The following ARHGEF4 variants were observed in gnomAD, a reference collection of about 807,000 sequenced individuals.
ARHGEF4 encodes APC-stimulated guanine nucleotide exchange factor 1.
In ARHGEF4, 119 loss-of-function variants were observed where a neutral mutation model predicts 162.0. The observed-to-expected ratio is 0.73, with a 90% CI of 0.63 to 0.86. The LOEUF (loss-of-function observed/expected upper bound fraction) is 0.86, where lower values mean the gene tolerates loss of function less well. Ranked by LOEUF, ARHGEF4 falls within the 40% of genes least tolerant of loss-of-function variation. The pLI, the probability that ARHGEF4 is intolerant of heterozygous loss-of-function variation, is 0.00. For missense variants in ARHGEF4, 2,488 were observed against 2,456.0 expected (o/e 1.01, Z -0.28); for synonymous variants, 1,014 against 979.9 (o/e 1.03, Z -0.65).
At chr2:130,949,869 G>A (rs538156767) in intron 4 of ARHGEF4, among the ~76,000 whole-genome samples, 3 of 152,244 alleles carry the variant, frequency 2.0e-5, no homozygotes, top group South Asian at 2.1e-4. Context: ...GGCTGGTCTC[G>A]AACTCCTGAC....
At chr2:130,917,555 G>A (rs1681579948) in intron 2 of ARHGEF4, 57 bp downstream of exon 2, 3 of 1,480,698 alleles carry the variant, frequency 2.0e-6, no homozygotes, top group African/African-American at 1.4e-5. Context: ...GAGAAGGAGG[G>A]GAGCAGGCGG....
At chr2:130,993,983 T>G (rs1687221432) in intron 4 of ARHGEF4, among the ~76,000 whole-genome samples, 1 of 152,208 alleles carries the variant, frequency 6.6e-6, no homozygotes, top group South Asian at 2.1e-4. Flanking sequence ...TTTCACCATG[T>G]TGGCCAGGCT....
rs556727675 is a variant in ARHGEF4, at chr2:131,028,076, A to G, written c.4117A>G (p.Ile1373Val). 3.1e-6 allele frequency: 5 copies of G among 1,613,878 alleles called. No homozygotes were observed. The African/African-American group carries it at 4.0e-5, about 13-fold the overall frequency. Reference sequence around the variant, plus strand: ...TGGAGGGGGTGGGGAGCAGCTGGCTATCAATGAGGTAGGGTCAGGGCTGCA... The same window carrying G: ...TGGAGGGGGTGGGGAGCAGCTGGCTGTCAATGAGGTAGGGTCAGGGCTGCA... ...HPGGGGEQLAINELISDGSVV... is the reference protein window; with the variant it reads ...HPGGGGEQLAVNELISDGSVV... Residue 1373 changes from isoleucine to valine, a missense_variant, in exon 5 of 14, where the codon ATC becomes GTC. This residue lies in a region of ARHGEF4 where 1,642 missense variants were observed against 1,481.5 expected (regional missense o/e 1.11). Coordinates refer to ENST00000409359, the MANE Select transcript of ARHGEF4 (RefSeq NM_001367493.1).
At chr2:130,874,659 A>G (rs1678708410) in intron 1 of ARHGEF4, among the ~76,000 whole-genome samples, 1 of 152,056 alleles carries the variant, frequency 6.6e-6, no homozygotes, top group African/African-American at 2.4e-5. Flanking sequence ...TGTTCCCCCC[A>G]CTGGTAGCAT....
At chr2:130,848,132 C>T (rs971293633) in intron 1 of ARHGEF4, among the ~76,000 whole-genome samples, 31 of 152,296 alleles carry the variant, frequency 2.0e-4, no homozygotes, top group Admixed American at 3.3e-4. Flanking sequence ...TGGGAGCAGG[C>T]CATCTGCACA....
chr2:130,965,830 C>T lies in ARHGEF4; in HGVS notation c.3985+19195C>T, dbSNP rs13398349. ...CACAGAGGCAGCCTGGATAATTTTC[C>T]GAGATAACAGCGATGCTTGCATGAA... On this transcript the variant is annotated intron_variant, in intron 4 of 13. Coordinates refer to ENST00000409359, the MANE Select transcript of ARHGEF4 (RefSeq NM_001367493.1). Among the ~76,000 whole-genome samples the T allele has an allele frequency of 6.1e-3, 921 of 152,180 alleles. 8 individuals are homozygous for T. Among genetic ancestry groups the T allele is most frequent in the African/African-American group, 0.021 (888 of 41,492 alleles).
chr2:131,016,384 A>G (rs1300525070), intron 4 of ARHGEF4, among the ~76,000 whole-genome samples: 1 of 152,242 alleles, frequency 6.6e-6, no homozygotes, highest in Non-Finnish European at 1.5e-5. Context: ...TTCAGAAAGC[A>G]GTGAACCAAT....
intron 4 of ARHGEF4, among the ~76,000 whole-genome samples, chr2:130,977,764 G>C (rs1685854136): frequency 6.6e-6 from 1 of 152,042 alleles, no homozygotes; most frequent in South Asian, 2.1e-4. Flanking sequence ...TGTGTGAGTT[G>C]TGCATGCATG....
At chr2:130,842,295 A>T (rs1262249115) in intron 1 of ARHGEF4, among the ~76,000 whole-genome samples, 1 of 152,100 alleles carries the variant, frequency 6.6e-6, no homozygotes, top group Non-Finnish European at 1.5e-5. Flanking sequence ...CCCAAACCAT[A>T]CCCTGACTGT....
intron 5 of ARHGEF4, among the ~76,000 whole-genome samples, chr2:131,031,365 AT>A (rs972866317): frequency 2.6e-5 from 4 of 152,226 alleles, no homozygotes; most frequent in African/African-American, 9.6e-5. Flanking sequence ...ATGAGGAGTG[AT>A]TTTTATGCTT....
rs1325461827 is a variant in ARHGEF4, at chr2:130,860,611, G to A, written c.39+23619G>A. ...TGTAGTCCCAGCTACTCGGGAGGCC[G>A]AGGCAGAAGAATGGTGTGAACCCGG... On this transcript the variant is annotated intron_variant, in intron 1 of 13. Coordinates refer to ENST00000409359, the MANE Select transcript of ARHGEF4 (RefSeq NM_001367493.1). Among the ~76,000 whole-genome samples the A allele has an allele frequency of 1.7e-5, 2 of 118,108 alleles. 1 individual carries two copies. Among genetic ancestry groups the A allele is most frequent in the Non-Finnish European group, 3.2e-5 (2 of 62,128 alleles). 77.5% of individuals were successfully genotyped at this position (118,108 alleles called of 152,430 possible).
chr2:130,893,419 A>G (rs566122831), intron 1 of ARHGEF4, among the ~76,000 whole-genome samples: 1 of 152,262 alleles, frequency 6.6e-6, no homozygotes, highest in East Asian at 1.9e-4. Flanking sequence ...CCCATGAACA[A>G]TGTTTGAATG....
intron 1 of ARHGEF4, among the ~76,000 whole-genome samples, chr2:130,846,679 G>A (rs1236886896): frequency 6.6e-6 from 1 of 152,200 alleles, no homozygotes; most frequent in Non-Finnish European, 1.5e-5. Context: ...TCTAGGGTCA[G>A]GGGTCTTTCT....
intron 4 of ARHGEF4, among the ~76,000 whole-genome samples, chr2:130,993,670 C>G (rs925033277): frequency 1.1e-4 from 16 of 151,894 alleles, no homozygotes; most frequent in African/African-American, 3.9e-4. Flanking sequence ...TTTTCTTTTT[C>G]TCTGGTAATG....
At chr2:130,889,766 C>G (rs1471465492) in intron 1 of ARHGEF4, among the ~76,000 whole-genome samples, 1 of 145,186 alleles carries the variant, frequency 6.9e-6, no homozygotes, top group Non-Finnish European at 1.5e-5. Context: ...GAGCCAAGAT[C>G]GAGCCACTGC....
At chr2:130,933,397 T>A (rs903870813) in intron 3 of ARHGEF4, among the ~76,000 whole-genome samples, 3 of 152,218 alleles carry the variant, frequency 2.0e-5, no homozygotes, top group Non-Finnish European at 4.4e-5. Context: ...CAAAATTGTT[T>A]TGGCTTTTTG....
chr2:130,932,328 A>T lies in ARHGEF4; in HGVS notation c.3858+1071A>T, dbSNP rs1366842809. On this transcript the variant is annotated intron_variant, in intron 3 of 13. Transcript: ENST00000409359. ...TCCATTCCTGAGTAGCTCTTCATCC[A>T]TTTCTGAGTAGCTGGGATTACAGGT... Among the ~76,000 whole-genome samples the T allele has an allele frequency of 2.6e-5, 4 of 151,996 alleles. No individual in the cohort carries two copies. The East Asian group carries it at 7.7e-4, about 29-fold the overall frequency.
intron 4 of ARHGEF4, among the ~76,000 whole-genome samples, chr2:130,976,500 G>A (rs978040555): frequency 1.3e-5 from 2 of 152,082 alleles, no homozygotes; most frequent in African/African-American, 2.4e-5. Flanking sequence ...TTAGGCAGTC[G>A]GGAGGCCTTT....
At chr2:130,986,781 T>C (rs1344689533) in intron 4 of ARHGEF4, among the ~76,000 whole-genome samples, 2 of 152,220 alleles carry the variant, frequency 1.3e-5, no homozygotes, top group Non-Finnish European at 2.9e-5. Context: ...TTCATAATTG[T>C]CTGCAAGTCC....
Sources: allele counts gnomAD v4.1 joint callset (sites outside exome capture counted in the v4.1 genomes callset), GRCh38; gene constraint gnomAD v4.1.1; regional missense constraint gnomAD v4.1.1; transcripts MANE v1.5; gene names NCBI Gene and HGNC (gene_info 2026-07-23, HGNC 2026-07-21).